Variants in TTLL1 observed in about 807,000 individuals in gnomAD.
TTLL1 encodes the protein polyglutamylase complex subunit TTLL1.
In TTLL1, 33 loss-of-function variants were observed where a neutral mutation model predicts 47.8. That is an observed-to-expected ratio of 0.69 (90% CI 0.52 to 0.92). The LOEUF (loss-of-function observed/expected upper bound fraction) is 0.92. Ranked by LOEUF, TTLL1 falls within the 40% of genes least tolerant of loss-of-function variation. The pLI is 0.00. For synonymous variants in TTLL1, 225 were observed against 214.1 expected (o/e 1.05, Z -0.45); for missense variants, 488 against 547.5 (o/e 0.89, Z 1.08).
chr22:43,086,806 T>C (rs1929255874), intron 1 of TTLL1, among the ~76,000 whole-genome samples: 1 of 152,122 alleles, frequency 6.6e-6, no homozygotes, highest in Non-Finnish European at 1.5e-5. Flanking sequence ...CCCCTGCTAC[T>C]CTTCTCACTC....
At chr22:43,076,159 G>GT (rs1397759653) in intron 2 of TTLL1, among the ~76,000 whole-genome samples, 3 of 152,280 alleles carry the variant, frequency 2.0e-5, no homozygotes, top group African/African-American at 7.2e-5. Flanking sequence ...CAGAGTGACC[G>GT]TAAGTGTTTA....
At chr22:43,063,997 A>T (rs1333137981) in intron 6 of TTLL1, 76 bp from the exon 7 acceptor site, 3 of 1,487,910 alleles carry the variant, frequency 2.0e-6, no homozygotes, top group Non-Finnish European at 1.9e-6. Context: ...CTCTAAAAAG[A>T]GCTGCTTTTG....
At chr22:43,050,245 A>G (rs1368627027) in intron 9 of TTLL1, among the ~76,000 whole-genome samples, 1 of 151,112 alleles carries the variant, frequency 6.6e-6, no homozygotes, top group Admixed American at 6.6e-5. Context: ...GTGAAACACC[A>G]TCTCTACTAA....
At chr22:43,071,910 C>T (rs183677407) in intron 3 of TTLL1, among the ~76,000 whole-genome samples, 1 of 152,222 alleles carries the variant, frequency 6.6e-6, no homozygotes, top group Non-Finnish European at 1.5e-5. Flanking sequence ...GCTGCACTGC[C>T]ATGTACAACA....
intron 3 of TTLL1, chr22:43,070,124 T>C: frequency 7.2e-7 from 1 of 1,396,560 alleles, no homozygotes. Context: ...TATTGATTAG[T>C]GATAACACGG....
chr22:43,076,974 G>A (rs950061862), intron 2 of TTLL1, among the ~76,000 whole-genome samples: 7 of 151,516 alleles, frequency 4.6e-5, no homozygotes, highest in East Asian at 2.0e-4. Flanking sequence ...GGTGGCAGGC[G>A]CCTGTAGTCC....
intron 8 of TTLL1, among the ~76,000 whole-genome samples, chr22:43,055,913 T>C (rs571304970): frequency 3.2e-4 from 48 of 151,956 alleles, no homozygotes; most frequent in Admixed American, 5.9e-4. Flanking sequence ...TTGTCTTTTT[T>C]TTTCCCTTTT....
chr22:43,057,942 A>G (rs1927129830), intron 8 of TTLL1, among the ~76,000 whole-genome samples: 1 of 117,000 alleles, frequency 8.5e-6, no homozygotes, highest in South Asian at 2.8e-4. Flanking sequence ...GGAAATATAT[A>G]TATATATATA....
intron 3 of TTLL1, among the ~76,000 whole-genome samples, chr22:43,073,319 C>T (rs1177342923): frequency 1.4e-5 from 2 of 140,538 alleles, no homozygotes; most frequent in Admixed American, 1.5e-4. Context: ...AGCCACTGCG[C>T]CCGGTCTATT....
At chr22:43,060,100 G>A (rs1378955953) in intron 7 of TTLL1, among the ~76,000 whole-genome samples, 1 of 152,148 alleles carries the variant, frequency 6.6e-6, no homozygotes. Flanking sequence ...TCGGCTTACT[G>A]CACTGTGAGC....
Position 43,066,245 on chromosome 22 carries a change from C to A in TTLL1, c.504-1921G>T, listed in dbSNP as rs77022295. 3.2e-3 allele frequency among the ~76,000 whole-genome samples: 491 copies of A among 151,510 alleles called. 6 individuals are homozygous for A. Among genetic ancestry groups the A allele is most frequent in the African/African-American group, 0.011 (469 of 41,256 alleles). ...AAAGGTGCATCTCGTCAGCTGGCAA[C>A]ACGCTCCCGGCCTCTCACTGTGAGG... On this transcript the variant is annotated intron_variant, in intron 5 of 10. Coordinates refer to ENST00000266254, the MANE Select transcript of TTLL1 (RefSeq NM_012263.5).
intron 7 of TTLL1, among the ~76,000 whole-genome samples, chr22:43,062,568 G>A (rs377745950): frequency 7.9e-5 from 12 of 151,462 alleles, no homozygotes; most frequent in East Asian, 5.9e-4. Context: ...AGTGGCACAC[G>A]CCTGTAATCC....
At chr22:43,046,971 A>G (rs1926191918) in intron 9 of TTLL1, among the ~76,000 whole-genome samples, 1 of 151,996 alleles carries the variant, frequency 6.6e-6, no homozygotes, top group Non-Finnish European at 1.5e-5. Flanking sequence ...ACACCTGGAA[A>G]ATGGTTATTT....
intron 7 of TTLL1, among the ~76,000 whole-genome samples, chr22:43,062,154 G>A (rs1213099545): frequency 1.3e-5 from 2 of 152,126 alleles, no homozygotes; most frequent in African/African-American, 4.8e-5. Flanking sequence ...CTCCGATGGG[G>A]CTATGTCCAG....
At position 43,046,508 on chromosome 22, in the gene TTLL1, A is replaced by C. The variant is rs757326527; in HGVS notation, c.1044T>G (p.Ile348Met). ...ANDRILKYNL[I>M]NDTLNIAVPN... ...GGACGGCGATGTTGAGGGTGTCATT[A>C]ATCAGGTTGTACTTGAGGATTCGGT... Residue 348 changes from isoleucine to methionine, a missense_variant, in exon 10 of 11, where the codon ATT (isoleucine) becomes ATG (methionine). Transcript: ENST00000266254. 18 of 1,614,124 alleles carry C rather than the reference A, an allele frequency of 1.1e-5. No homozygotes were observed. The highest frequency in any genetic ancestry group is 1.4e-5 in the Non-Finnish European group (17 of 1,180,026).
intron 5 of TTLL1, among the ~76,000 whole-genome samples, chr22:43,067,761 C>G (rs944529169): frequency 1.3e-5 from 2 of 151,772 alleles, no homozygotes; most frequent in African/African-American, 4.8e-5. Flanking sequence ...ACCCTGAGGT[C>G]AGGAGTTTGA....
intron 3 of TTLL1, among the ~76,000 whole-genome samples, chr22:43,071,826 G>A (rs886962321): frequency 5.3e-5 from 8 of 152,206 alleles, no homozygotes; most frequent in African/African-American, 1.7e-4. Flanking sequence ...GATGGGATGA[G>A]CTGGGGGTCC....
At position 43,046,426 on chromosome 22, in the gene TTLL1, C is replaced by T. The variant is rs757143367; in HGVS notation, c.1126G>A (p.Gly376Ser). The change falls in exon 10 of 11, where the codon GGC becomes AGC. Residue 376 changes from glycine (G) to serine (S), a missense_variant. Coordinates refer to ENST00000266254, the MANE Select transcript of TTLL1 (RefSeq NM_012263.5). ...WNKSPPKEVL[G>S]NYEILYDEEL... ...CACACTTACAGAATCTCGTAATTGC[C>T]GAGGACTTCCTTAGGTGGCGACTTG... 27 of 1,613,794 alleles carry T rather than the reference C, an allele frequency of 1.7e-5. No individual in the cohort carries two copies. In the Middle Eastern group the frequency reaches 6.6e-4, roughly 39 times the overall value.
At chr22:43,074,036 C>A (rs1031875116) in intron 3 of TTLL1, among the ~76,000 whole-genome samples, 5 of 151,656 alleles carry the variant, frequency 3.3e-5, no homozygotes, top group African/African-American at 1.2e-4. Context: ...GTTGGTCATG[C>A]TGGTCTCCAA....
Sources: allele counts gnomAD v4.1 joint callset (sites outside exome capture counted in the v4.1 genomes callset), GRCh38; gene constraint gnomAD v4.1.1; transcripts MANE v1.5; gene names NCBI Gene and HGNC (gene_info 2026-07-23, HGNC 2026-07-21).